HSD17B2: variants seen among roughly 807,000 people sequenced by gnomAD.
HSD17B2 encodes hydroxysteroid 17-beta dehydrogenase 2, also known as 17-beta-hydroxysteroid dehydrogenase type 2.
HSD17B2 carries 32 observed loss-of-function variants against 26.9 expected under a neutral mutation model. That is an observed-to-expected ratio of 1.19 (90% confidence interval 0.90 to 1.60). The LOEUF (loss-of-function observed/expected upper bound fraction) is 1.60, where lower values mean the gene tolerates loss of function less well. Ranked by LOEUF, HSD17B2 falls within the 40% of genes most tolerant of loss-of-function variation. The pLI is 0.00. For missense variants in HSD17B2, 613 were observed against 468.6 expected (o/e 1.31, Z -2.85); for synonymous variants, 246 against 186.7 (o/e 1.32, Z -2.59).
At chr16:82,087,034 T>A (rs1219832368) in intron 3 of HSD17B2, among the ~76,000 whole-genome samples, 1 of 152,180 alleles carries the variant, frequency 6.6e-6, no homozygotes, top group Non-Finnish European at 1.5e-5. Context: ...TTAACTTTAC[T>A]TTTTTAGAGT....
chr16:82,093,872 G>T (rs1904763455), intron 4 of HSD17B2: 1 of 152,256 alleles, frequency 6.6e-6, no homozygotes. Context: ...AAAGTGGGAG[G>T]GATGGCCTGG....
intron 3 of HSD17B2, among the ~76,000 whole-genome samples, chr16:82,077,931 T>C (rs374952635): frequency 3.3e-5 from 5 of 152,256 alleles, no homozygotes; most frequent in African/African-American, 1.2e-4. Context: ...GACCTCAAAC[T>C]GTGAAACTAT....
intron 1 of HSD17B2, among the ~76,000 whole-genome samples, chr16:82,058,440 T>C (rs527958541): frequency 6.6e-6 from 1 of 152,346 alleles, no homozygotes; most frequent in East Asian, 1.9e-4. Context: ...TTTCTGATTT[T>C]TTTGTAAATC....
At chr16:82,040,668 G>T (rs372942782) in intron 1 of HSD17B2, among the ~76,000 whole-genome samples, 1 of 152,230 alleles carries the variant, frequency 6.6e-6, no homozygotes, top group South Asian at 2.1e-4. Context: ...CTTGGCAATT[G>T]ATTGGGTGTA....
chr16:82,077,115 C>G (rs558601065), intron 3 of HSD17B2, among the ~76,000 whole-genome samples: 2 of 152,272 alleles, frequency 1.3e-5, no homozygotes, highest in Admixed American at 6.5e-5. Context: ...AGATTCAATG[C>G]AATCCATATC....
At chr16:82,092,088 G>C (rs1166255418) in intron 4 of HSD17B2, 1 of 152,118 alleles carries the variant, frequency 6.6e-6, no homozygotes, top group African/African-American at 2.4e-5. Context: ...TAATCCATTA[G>C]TTTCATACTA....
intron 3 of HSD17B2, among the ~76,000 whole-genome samples, chr16:82,089,067 C>G (rs879633569): frequency 2.6e-5 from 4 of 152,172 alleles, no homozygotes; most frequent in Non-Finnish European, 5.9e-5. Context: ...TCTCCAAATA[C>G]CATCACACTA....
At chr16:82,095,365 C>G (rs549756294) in intron 4 of HSD17B2, 1 of 152,498 alleles carries the variant, frequency 6.6e-6, no homozygotes, top group South Asian at 2.1e-4. Context: ...TTTCACTGGC[C>G]TACATTTCCA....
chr16:82,062,771 T>A (rs779153691), intron 1 of HSD17B2, among the ~76,000 whole-genome samples: 1 of 152,224 alleles, frequency 6.6e-6, no homozygotes, highest in Non-Finnish European at 1.5e-5. Context: ...GTTGGGTAAC[T>A]CTTATGAAAC....
chr16:82,068,747 C>T (rs781078942), intron 2 of HSD17B2, among the ~76,000 whole-genome samples: 24 of 152,148 alleles, frequency 1.6e-4, no homozygotes, highest in Non-Finnish European at 2.4e-4. Context: ...TCCTTCTTTA[C>T]CCATTACCCT....
intron 1 of HSD17B2, among the ~76,000 whole-genome samples, chr16:82,067,879 G>C (rs1366865744): frequency 6.6e-6 from 1 of 152,000 alleles, no homozygotes; most frequent in African/African-American, 2.4e-5. Flanking sequence ...CAATTACTTT[G>C]GCCACCAGCC....
intron 1 of HSD17B2, among the ~76,000 whole-genome samples, chr16:82,063,968 G>T (rs1290720443): frequency 6.6e-6 from 1 of 152,162 alleles, no homozygotes; most frequent in Non-Finnish European, 1.5e-5. Context: ...AAACAAGTGG[G>T]GGCACCTATG....
chr16:82,063,142 A>C (rs1449911644), intron 1 of HSD17B2: 1 of 152,156 alleles, frequency 6.6e-6, no homozygotes, highest in East Asian at 1.9e-4. Context: ...TGACTTTCCC[A>C]AGGCTTGTAA....
intron 3 of HSD17B2, among the ~76,000 whole-genome samples, chr16:82,084,154 G>C (rs1337496700): frequency 6.6e-6 from 1 of 152,072 alleles, no homozygotes; most frequent in Non-Finnish European, 1.5e-5. Flanking sequence ...CACCTTACTT[G>C]TCATGTCTCT....
Position 82,091,007 on chromosome 16 carries a change from T to C in HSD17B2, c.770T>C (p.Val257Ala). 6.2e-7 allele frequency: 1 copy of C among 1,614,030 alleles called. No individual in the cohort carries two copies. The highest frequency in any genetic ancestry group is 8.5e-7 in the Non-Finnish European group (1 of 1,179,916). Residue 257 changes from valine (V) to alanine (A), a missense_variant, in exon 4 of 5, where the codon GTT becomes GCT. Val to Ala is a moderately conservative substitution (Grantham distance 64). Transcript: ENST00000199936. The part of the protein sequence containing the change: ...RLELSKWGIK[V>A]ASIQPGGFLT... ...GAGCTTTCCAAGTGGGGAATTAAAG[T>C]TGCTTCCATCCAACCTGGAGGCTTC... is the stretch of plus-strand genomic sequence containing the variant.
At chr16:82,082,024 T>C (rs190972714) in intron 3 of HSD17B2, among the ~76,000 whole-genome samples, 36 of 152,316 alleles carry the variant, frequency 2.4e-4, no homozygotes, top group African/African-American at 8.2e-4. Flanking sequence ...ATGTCCTCAC[T>C]TGTAAGTGGG....
chr16:82,035,817 A>G (rs1023173838), intron 1 of HSD17B2, 128 bp downstream of exon 1: 1 of 991,208 alleles, frequency 1.0e-6, no homozygotes, highest in Non-Finnish European at 1.5e-6. Context: ...CCCTCACCCA[A>G]GTATTTTTCA....
chr16:82,070,689 G>C (rs1914677754), intron 2 of HSD17B2: 1 of 496,462 alleles, frequency 2.0e-6, no homozygotes, highest in Non-Finnish European at 3.5e-6. Flanking sequence ...GGTTCACTTA[G>C]TAAATTCTGA....
At chr16:82,056,087 G>C (rs1269248923) in intron 1 of HSD17B2, among the ~76,000 whole-genome samples, 1 of 152,176 alleles carries the variant, frequency 6.6e-6, no homozygotes. Flanking sequence ...GTTGCATCTT[G>C]TACCATTATA....
Sources: allele counts gnomAD v4.1 joint callset (sites outside exome capture counted in the v4.1 genomes callset), GRCh38; gene constraint gnomAD v4.1.1; transcripts MANE v1.5; gene names NCBI Gene and HGNC (gene_info 2026-07-23, HGNC 2026-07-21).